DHX30: variants seen among roughly 807,000 people sequenced by gnomAD.
The protein encoded by DHX30 is DExH-box helicase 30.
DHX30 carries 4 observed loss-of-function variants against 116.9 expected under a neutral mutation model. That is an observed-to-expected ratio of 0.03 (90% CI 0.02 to 0.08). The LOEUF (loss-of-function observed/expected upper bound fraction) is 0.08. Ranked by LOEUF, DHX30 falls within the 10% of genes least tolerant of loss-of-function variation. The pLI is 1.00. For missense variants in DHX30, 871 were observed against 1,595.1 expected (o/e 0.55, Z 7.73); for synonymous variants, 697 against 651.7 (o/e 1.07, Z -1.06).
Position 47,810,645 on chromosome 3 carries a change from C to G in DHX30, c.-27-12C>G, listed in dbSNP as rs2035748447. 1.2e-6 allele frequency: 2 copies of G among 1,612,708 alleles called. No individual in the cohort carries two copies. Among genetic ancestry groups the G allele is most frequent in the Non-Finnish European group, 1.7e-6 (2 of 1,178,876 alleles). ...ATATTAACCATTGCCTCTTGGCCCT[C>G]CTTGTTCTCAGGATTCCAGCTTTCC... On this transcript the variant is annotated splice_polypyrimidine_tract_variant and intron_variant, in intron 2 of 21. Transcript: ENST00000445061.
At chr3:47,827,813 G>A (rs2036612927) in intron 5 of DHX30, among the ~76,000 whole-genome samples, 2 of 152,228 alleles carry the variant, frequency 1.3e-5, no homozygotes, top group African/African-American at 4.8e-5. Context: ...TGGAACCATA[G>A]AAGCATGCCA....
intron 4 of DHX30, chr3:47,825,022 G>A (rs1315792588): frequency 1.6e-6 from 1 of 640,788 alleles, no homozygotes; most frequent in Admixed American, 2.4e-5. Context: ...CACAGGCCTC[G>A]GGGTCGGCGG....
chr3:47,816,324 T>C, intron 3 of DHX30: 3 of 984,692 alleles, frequency 3.0e-6, no homozygotes, highest in Non-Finnish European at 1.2e-6. Flanking sequence ...CTCAGGGTGA[T>C]GTGATGCTGC....
Position 47,805,371 on chromosome 3 carries a change from G to A in DHX30, c.-77G>A. On this transcript the variant is annotated 5_prime_UTR_variant, in exon 2 of 22. Transcript: ENST00000445061. ...TGAGGAATAGCAAGGAGAGAATTCA[G>A]CTCCAGTTCAAAAGCCTACAAAATC... The A allele has an allele frequency of 2.5e-6, 1 of 399,058 alleles. No homozygotes were observed. Among genetic ancestry groups the A allele is most frequent in the South Asian group, 1.3e-4 (1 of 7,858 alleles). The allele number at this position is 399,058 out of a possible 1,614,324, so 24.7% of individuals were successfully genotyped here. A position where few individuals can be genotyped will look rare whatever the true frequency, so the allele number is the denominator to read the frequency against.
intron 2 of DHX30, among the ~76,000 whole-genome samples, chr3:47,806,142 G>GTATT (rs2035508933): frequency 7.7e-6 from 1 of 129,936 alleles, no homozygotes; most frequent in Admixed American, 8.5e-5. Context: ...TAATTTTTTT[G>GTATT]TATTTTTTTT....
chr3:47,825,823 G>T, intron 4 of DHX30: 1 of 152,322 alleles, frequency 6.6e-6, no homozygotes, highest in Non-Finnish European at 1.5e-5. Context: ...ACTCGAAGTT[G>T]GGTCCCTCTG....
chr3:47,830,864 G>A (rs2036814245), intron 6 of DHX30: 2 of 152,310 alleles, frequency 1.3e-5, no homozygotes, highest in Admixed American at 1.3e-4. Flanking sequence ...CAAAGTGCTG[G>A]GATTACAGGT....
At chr3:47,805,487 G>A in intron 2 of DHX30, 67 bp downstream of exon 2, 1 of 398,494 alleles carries the variant, frequency 2.5e-6, no homozygotes, top group Non-Finnish European at 4.4e-6. Context: ...TAAAACAAGA[G>A]GTATGTGTTA....
At chr3:47,844,889 G>C (rs902793452) in intron 9 of DHX30, among the ~76,000 whole-genome samples, 1 of 152,172 alleles carries the variant, frequency 6.6e-6, no homozygotes, top group Non-Finnish European at 1.5e-5. Context: ...ATCTGTATAT[G>C]ATGGGGTCAC....
intron 6 of DHX30, among the ~76,000 whole-genome samples, chr3:47,838,271 T>C (rs1299704153): frequency 3.9e-5 from 6 of 152,186 alleles, no homozygotes; most frequent in African/African-American, 1.4e-4. Flanking sequence ...ATAGACAGAC[T>C]TTAGAATTGG....
At chr3:47,805,920 A>G (rs766340527) in intron 2 of DHX30, among the ~76,000 whole-genome samples, 1 of 152,136 alleles carries the variant, frequency 6.6e-6, no homozygotes, top group African/African-American at 2.4e-5. Context: ...GTTAAATTGT[A>G]TTTCATTATG....
chr3:47,850,075 A>G lies in DHX30; in HGVS notation c.3540A>G (p.Arg1180=). 6.3e-7 allele frequency: 1 copy of G among 1,597,560 alleles called. No homozygotes were observed. ...QLLALLAELL[R]GPCGSFDVRK... is the part of the protein sequence containing the mutation. ...TTGCGCTACTGGCAGAGCTGCTGCG[A>G]GGACCCTGTGGCAGCTTTGATGTGC... is the stretch of plus-strand genomic sequence containing the variant. The change falls in exon 22 of 22, where the codon CGA becomes CGG. Residue 1180 remains arginine (R), a synonymous_variant. Transcript: ENST00000445061.
intron 3 of DHX30, among the ~76,000 whole-genome samples, chr3:47,815,462 TA>T (rs1468999642): frequency 1.3e-5 from 2 of 152,114 alleles, no homozygotes; most frequent in African/African-American, 4.8e-5. Context: ...ATAGCCTCAA[TA>T]GGATGGGCCA....
chr3:47,819,081 G>A, intron 4 of DHX30: 2 of 531,454 alleles, frequency 3.8e-6, no homozygotes, highest in Middle Eastern at 3.3e-4. Flanking sequence ...TGCTGCTGCG[G>A]CCCTGACTAC....
intron 4 of DHX30, chr3:47,825,030 C>G: frequency 1.5e-6 from 1 of 647,780 alleles, no homozygotes. Context: ...TCGGGGTCGG[C>G]GGGAGCACGA....
chr3:47,826,390 A>G (rs1413391870), intron 4 of DHX30, among the ~76,000 whole-genome samples: 1 of 151,964 alleles, frequency 6.6e-6, no homozygotes, highest in Non-Finnish European at 1.5e-5. Context: ...CCTTGATTCC[A>G]GAGAACTTGG....
intron 3 of DHX30, among the ~76,000 whole-genome samples, chr3:47,815,650 T>C (rs908118727): frequency 6.7e-6 from 1 of 149,178 alleles, no homozygotes; most frequent in African/African-American, 2.5e-5. Context: ...CATCTTAACT[T>C]AGCTGTCTGA....
intron 4 of DHX30, chr3:47,819,290 G>A (rs370724836): frequency 5.0e-5 from 69 of 1,367,632 alleles, no homozygotes; most frequent in Non-Finnish European, 6.2e-5. Flanking sequence ...AGTGTCAGAT[G>A]TGCTTTGGCT....
intron 1 of DHX30, among the ~76,000 whole-genome samples, chr3:47,803,540 C>T (rs1190800455): frequency 1.5e-5 from 1 of 68,350 alleles, no homozygotes; most frequent in Non-Finnish European, 2.8e-5. Flanking sequence ...GCAACGACGC[C>T]TTCGCCTCGG....
Sources: gnomAD v4.1 joint callset for allele counts (sites outside exome capture counted in the v4.1 genomes callset) on GRCh38, gnomAD v4.1.1 for gene constraint, MANE v1.5 for transcripts, NCBI Gene and HGNC (gene_info 2026-07-23, HGNC 2026-07-21) for gene names.